NAV3: variants seen among roughly 807,000 people sequenced by gnomAD.
NAV3 encodes the protein neuron navigator 3, also known as pore membrane and/or filament interacting like protein 1.
In NAV3, 87 loss-of-function variants were observed where a neutral mutation model predicts 244.7. That is an observed-to-expected ratio of 0.36 (90% CI 0.30 to 0.42). The LOEUF (loss-of-function observed/expected upper bound fraction) is 0.42, where lower values mean the gene tolerates loss of function less well. Ranked by LOEUF, NAV3 falls within the 20% of genes least tolerant of loss-of-function variation. NAV3 has a pLI of 1.00. For missense variants in NAV3, 2,663 were observed against 2,893.3 expected, an observed-to-expected ratio of 0.92 and a Z score of 1.83; for synonymous variants, 1,126 against 1,042.2, an observed-to-expected ratio of 1.08 and a Z score of -1.55.
chr12:77,596,298 A>T (rs1287794999), intron 2 of NAV3, among the ~76,000 whole-genome samples: 1 of 152,172 alleles, frequency 6.6e-6, no homozygotes, highest in African/African-American at 2.4e-5. Context: ...GTTTTTGATT[A>T]TTTGAGATCA....
chr12:77,723,969 G>A (rs1486604223), intron 2 of NAV3, among the ~76,000 whole-genome samples: 1 of 151,464 alleles, frequency 6.6e-6, no homozygotes, highest in African/African-American at 2.4e-5. Context: ...AAGTACATTT[G>A]AGTTTTTGTA....
At chr12:78,117,339 A>AATATCTATTTATATAATAGATATTT (rs1955458334) in intron 13 of NAV3, among the ~76,000 whole-genome samples, 4 of 143,400 alleles carry the variant, frequency 2.8e-5, no homozygotes, top group Non-Finnish European at 6.1e-5. Context: ...ATATATATTA[A>AATATCTATTTATATAATAGATATTT]ATATATAAAA....
intron 2 of NAV3, among the ~76,000 whole-genome samples, chr12:77,726,746 A>G (rs1243017960): frequency 6.6e-6 from 1 of 151,920 alleles, no homozygotes; most frequent in Non-Finnish European, 1.5e-5. Flanking sequence ...GGACTTGAGT[A>G]AAACAACAAT....
At chr12:77,659,340 C>T (rs1005583353) in intron 2 of NAV3, among the ~76,000 whole-genome samples, 2,144 of 151,876 alleles carry the variant, frequency 0.014, 63 homozygotes, top group African/African-American at 0.049. Context: ...ATTTATGCAG[C>T]CAAAAAACAC....
chr12:77,879,300 A>G (rs1882291196), intron 1 of NAV3, among the ~76,000 whole-genome samples: 1 of 152,152 alleles, frequency 6.6e-6, no homozygotes, highest in Non-Finnish European at 1.5e-5. Flanking sequence ...ATTTATGTAC[A>G]CAGAATTTAT....
intron 2 of NAV3, among the ~76,000 whole-genome samples, chr12:77,743,436 T>A (rs142686053): frequency 1.3e-5 from 2 of 151,912 alleles, no homozygotes; most frequent in African/African-American, 4.8e-5. Context: ...ACACAGCCAA[T>A]TTACTCCTTG....
chr12:78,054,162 T>C (rs1278906946), intron 11 of NAV3, among the ~76,000 whole-genome samples: 1 of 152,198 alleles, frequency 6.6e-6, no homozygotes, highest in Non-Finnish European at 1.5e-5. Flanking sequence ...TAGTTATTTT[T>C]TCTGATTTAA....
intron 23 of NAV3, among the ~76,000 whole-genome samples, chr12:78,167,117 A>G (rs1016850299): frequency 1.3e-5 from 2 of 151,778 alleles, no homozygotes; most frequent in South Asian, 2.1e-4. Flanking sequence ...TTTAAATGGA[A>G]AATATATTAA....
chr12:77,636,181 A>T (rs1346169404), intron 2 of NAV3, among the ~76,000 whole-genome samples: 1 of 152,038 alleles, frequency 6.6e-6, no homozygotes, highest in Non-Finnish European at 1.5e-5. Context: ...AAGTCAGGAA[A>T]CAGGCCAGGC....
chr12:77,691,308 T>A (rs1264029516), intron 2 of NAV3, among the ~76,000 whole-genome samples: 1 of 135,138 alleles, frequency 7.4e-6, no homozygotes, highest in Non-Finnish European at 1.6e-5. Context: ...GGAATCTATA[T>A]AGTCATATAT....
intron 3 of NAV3, among the ~76,000 whole-genome samples, chr12:77,951,808 C>T (rs938055960): frequency 6.6e-6 from 1 of 152,080 alleles, no homozygotes; most frequent in African/African-American, 2.4e-5. Flanking sequence ...TCTCAGCAAA[C>T]TATCTCAAGG....
chr12:77,653,088 GC>G (rs1872902194), intron 2 of NAV3, among the ~76,000 whole-genome samples: 1 of 152,174 alleles, frequency 6.6e-6, no homozygotes, highest in South Asian at 2.1e-4. Flanking sequence ...ACGGGTCAGA[GC>G]CTTTAATATT....
chr12:77,618,374 G>T (rs1012093289), intron 2 of NAV3, among the ~76,000 whole-genome samples: 1 of 152,168 alleles, frequency 6.6e-6, no homozygotes, highest in South Asian at 2.1e-4. Flanking sequence ...TAAATTTATA[G>T]ATAGGCACTA....
chr12:77,876,545 C>T (rs1281629026), intron 1 of NAV3, among the ~76,000 whole-genome samples: 1 of 151,920 alleles, frequency 6.6e-6, no homozygotes, highest in Non-Finnish European at 1.5e-5. Context: ...GACTCTGTCA[C>T]TAAGTATGAT....
chr12:77,612,889 C>G (rs1219966441), intron 2 of NAV3, among the ~76,000 whole-genome samples: 2 of 152,038 alleles, frequency 1.3e-5, no homozygotes, highest in East Asian at 3.9e-4. Context: ...GTTCTCATGA[C>G]AGTGAGTGTG....
chr12:77,981,851 C>T (rs1210292262), intron 5 of NAV3, among the ~76,000 whole-genome samples: 1 of 151,892 alleles, frequency 6.6e-6, no homozygotes, highest in Non-Finnish European at 1.5e-5. Flanking sequence ...ATTAGGCATG[C>T]TTTTTTCTTT....
chr12:77,729,750 C>T (rs1197555853), intron 2 of NAV3, among the ~76,000 whole-genome samples: 1 of 151,908 alleles, frequency 6.6e-6, no homozygotes, highest in Admixed American at 6.6e-5. Flanking sequence ...CCTCCTAAAT[C>T]CTGATATAAG....
chr12:77,914,828 ATTCT>A (rs1013989239), intron 1 of NAV3, among the ~76,000 whole-genome samples: 8 of 113,168 alleles, frequency 7.1e-5, no homozygotes, highest in African/African-American at 2.2e-4. Context: ...AAATGCAGAG[ATTCT>A]TTGTCTTTTT....
intron 5 of NAV3, among the ~76,000 whole-genome samples, chr12:77,994,152 C>T (rs935291601): frequency 6.6e-6 from 1 of 152,216 alleles, no homozygotes; most frequent in Non-Finnish European, 1.5e-5. Context: ...CAGAAATTGT[C>T]ATTAGTATTT....
Sources: gnomAD v4.1 joint callset for allele counts (sites outside exome capture counted in the v4.1 genomes callset) on GRCh38, gnomAD v4.1.1 for gene constraint, MANE v1.5 for transcripts, NCBI Gene and HGNC (gene_info 2026-07-23, HGNC 2026-07-21) for gene names.